The following CDH12 variants were observed in gnomAD, a reference collection of about 807,000 sequenced individuals.
CDH12 encodes cadherin 12, also known as cadherin-12.
A neutral mutation model predicts 74.1 loss-of-function variants in CDH12; 41 were observed. The observed-to-expected ratio is 0.55, with a 90% confidence interval of 0.43 to 0.72. CDH12 has a LOEUF of 0.72. Among genes scored for constraint, CDH12 ranks in the 30% least tolerant of loss-of-function variants. The pLI, the probability that CDH12 is intolerant of heterozygous loss-of-function variation, is 0.00. For missense variants in CDH12, 945 were observed against 977.2 expected (o/e 0.97, Z 0.44); for synonymous variants, 399 against 355.0 (o/e 1.12, Z -1.39).
intron 1 of CDH12, among the ~76,000 whole-genome samples, chr5:22,840,484 A>G (rs1008313600): frequency 3.3e-5 from 5 of 151,260 alleles, no homozygotes; most frequent in African/African-American, 1.2e-4. Flanking sequence ...TAACTCTGGC[A>G]TAATACAGTG....
chr5:22,123,431 G>T (rs976513665), intron 4 of CDH12, among the ~76,000 whole-genome samples: 4 of 152,072 alleles, frequency 2.6e-5, no homozygotes, highest in Admixed American at 1.3e-4. Context: ...GTATCCTTTT[G>T]GTTCTTTTTC....
At chr5:22,270,222 T>A (rs1452899455) in intron 3 of CDH12, among the ~76,000 whole-genome samples, 1 of 152,210 alleles carries the variant, frequency 6.6e-6, no homozygotes. Context: ...ACTTCTCCAT[T>A]GTATTCACAT....
At chr5:22,499,362 A>T (rs1747241030) in intron 2 of CDH12, among the ~76,000 whole-genome samples, 1 of 152,190 alleles carries the variant, frequency 6.6e-6, no homozygotes, top group Admixed American at 6.5e-5. Context: ...ACATTTCCCC[A>T]TATATTTATC....
chr5:22,390,957 T>C (rs1742223101), intron 3 of CDH12, among the ~76,000 whole-genome samples: 1 of 152,200 alleles, frequency 6.6e-6, no homozygotes, highest in Non-Finnish European at 1.5e-5. Context: ...TGAGACAGAC[T>C]GGCATTAGAT....
intron 1 of CDH12, among the ~76,000 whole-genome samples, chr5:22,530,623 A>G (rs559110516): frequency 1.3e-5 from 2 of 152,180 alleles, no homozygotes; most frequent in South Asian, 4.1e-4. Flanking sequence ...TTCTTAAATC[A>G]TCTTAAAACT....
chr5:21,926,228 G>A (rs114024755), intron 6 of CDH12, among the ~76,000 whole-genome samples: 3,094 of 152,284 alleles, frequency 0.02, 84 homozygotes, highest in African/African-American at 0.057. Flanking sequence ...CCTTGGGATA[G>A]TGTTGCAGTG....
In CDH12 at chr5:22,699,806, A is replaced by G. The variant is rs374707550; in HGVS notation, c.-523+153252T>C. Reference sequence around the variant, plus strand: ...ATGACAATCAGAAGATTGCCTAATGAGCTAAAATTTAATTCAAAATAGGGA... The same window carrying G: ...ATGACAATCAGAAGATTGCCTAATGGGCTAAAATTTAATTCAAAATAGGGA... On this transcript the variant is annotated intron_variant, in intron 1 of 14. Coordinates refer to ENST00000382254, the MANE Select transcript of CDH12 (RefSeq NM_004061.5). 9.8e-5 allele frequency among the ~76,000 whole-genome samples: 15 copies of G among 152,298 alleles called. No individual in the cohort carries two copies. In the East Asian group the frequency reaches 1.7e-3, roughly 18 times the overall value.
intron 4 of CDH12, among the ~76,000 whole-genome samples, chr5:22,092,229 A>G (rs1743476957): frequency 6.6e-6 from 1 of 152,004 alleles, no homozygotes; most frequent in Non-Finnish European, 1.5e-5. Context: ...TTAAAAATAT[A>G]TGACTTCAAA....
intron 3 of CDH12, among the ~76,000 whole-genome samples, chr5:22,321,774 G>A (rs1738895098): frequency 1.3e-5 from 2 of 151,864 alleles, no homozygotes; most frequent in African/African-American, 4.8e-5. Context: ...ATATCTTAGT[G>A]CAGACCTTTT....
chr5:21,862,057 C>T (rs1405441707), intron 6 of CDH12, among the ~76,000 whole-genome samples: 1 of 151,766 alleles, frequency 6.6e-6, no homozygotes, highest in East Asian at 1.9e-4. Flanking sequence ...GGTTTTCTTT[C>T]GTGTGAATGT....
At chr5:22,070,354 C>T (rs148826700) in intron 5 of CDH12, among the ~76,000 whole-genome samples, 390 of 152,132 alleles carry the variant, frequency 2.6e-3, no homozygotes, top group Middle Eastern at 0.01. Flanking sequence ...GGGAAGTGGA[C>T]GGGTGCCAAG....
chr5:22,443,804 G>T (rs938029807), intron 2 of CDH12, among the ~76,000 whole-genome samples: 4 of 151,950 alleles, frequency 2.6e-5, no homozygotes, highest in Admixed American at 6.6e-5. Context: ...AGGCTTTTTG[G>T]TTTTTTCAAA....
In CDH12 at chr5:22,086,581, A is replaced by G. The variant is rs28678020; in HGVS notation, c.-186-7719T>C. Among the ~76,000 whole-genome samples, 894 of 151,316 alleles carry G rather than the reference A, an allele frequency of 5.9e-3. 7 individuals are homozygous for G. The highest frequency in any genetic ancestry group is 0.018 in the African/African-American group (760 of 41,216). ...AGTATCTTGGCCAGGCTGGCATTGA[A>G]CTCCTGACCTTGTGATCCACCCGCC... On this transcript the variant is annotated intron_variant, in intron 4 of 14. Transcript: ENST00000382254.
intron 1 of CDH12, among the ~76,000 whole-genome samples, chr5:22,527,772 C>A (rs753614687): frequency 6.6e-6 from 1 of 152,114 alleles, no homozygotes; most frequent in African/African-American, 2.4e-5. Context: ...TCTCGTTCTC[C>A]ACATTGAGCC....
At chr5:21,871,825 G>A (rs1271005117) in intron 6 of CDH12, among the ~76,000 whole-genome samples, 1 of 152,024 alleles carries the variant, frequency 6.6e-6, no homozygotes, top group East Asian at 1.9e-4. Flanking sequence ...TGTGACACTT[G>A]CAAGACTCCT....
intron 3 of CDH12, among the ~76,000 whole-genome samples, chr5:22,227,917 G>C (rs914739540): frequency 3.9e-5 from 6 of 152,124 alleles, no homozygotes; most frequent in African/African-American, 1.4e-4. Context: ...CTTAGATCAG[G>C]ATGGAGCTCA....
intron 5 of CDH12, among the ~76,000 whole-genome samples, chr5:22,054,308 T>C (rs1580175652): frequency 6.6e-6 from 1 of 152,170 alleles, no homozygotes; most frequent in East Asian, 1.9e-4. Flanking sequence ...GAGGAACCAG[T>C]GAGCTTATTG....
intron 1 of CDH12, among the ~76,000 whole-genome samples, chr5:22,643,302 T>C (rs1739248256): frequency 6.6e-6 from 1 of 152,160 alleles, no homozygotes; most frequent in South Asian, 2.1e-4. Flanking sequence ...CTATTGTGAT[T>C]TACTTTCTTT....
At chr5:22,656,965 T>A (rs1001518594) in intron 1 of CDH12, among the ~76,000 whole-genome samples, 1 of 151,994 alleles carries the variant, frequency 6.6e-6, no homozygotes, top group African/African-American at 2.4e-5. Flanking sequence ...GCCTCCTGAG[T>A]AGCTGGGATC....
Sources: gnomAD v4.1 joint callset for allele counts (sites outside exome capture counted in the v4.1 genomes callset) on GRCh38, gnomAD v4.1.1 for gene constraint, MANE v1.5 for transcripts, NCBI Gene and HGNC (gene_info 2026-07-23, HGNC 2026-07-21) for gene names.